The following IPCEF1 variants were observed in gnomAD, a reference collection of about 807,000 sequenced individuals.
IPCEF1 encodes interactor protein for cytohesin exchange factors 1.
IPCEF1 carries 31 observed loss-of-function variants against 50.9 expected under a neutral mutation model. That is an observed-to-expected ratio of 0.61 (90% CI 0.46 to 0.82). The LOEUF (loss-of-function observed/expected upper bound fraction) is 0.82, where lower values mean the gene tolerates loss of function less well. IPCEF1 is among the 40% of genes least tolerant of loss of function. The pLI is 0.00. For missense variants in IPCEF1, 458 were observed against 514.0 expected, an observed-to-expected ratio of 0.89 and a Z score of 1.05; for synonymous variants, 181 against 192.0, an observed-to-expected ratio of 0.94 and a Z score of 0.47.
intron 1 of IPCEF1, among the ~76,000 whole-genome samples, chr6:154,324,783 G>A (rs1012131443): frequency 3.9e-5 from 6 of 152,134 alleles, no homozygotes; most frequent in African/African-American, 1.4e-4. Flanking sequence ...ACTCCAGCCT[G>A]GGTGACAGAG....
intron 10 of IPCEF1, among the ~76,000 whole-genome samples, chr6:154,176,642 A>G (rs937595449): frequency 3.9e-5 from 6 of 152,226 alleles, no homozygotes; most frequent in African/African-American, 9.6e-5. Context: ...AAGGAGAACT[A>G]CAAACCACTG....
At chr6:154,177,440 A>G (rs1333630723) in intron 10 of IPCEF1, among the ~76,000 whole-genome samples, 2 of 152,246 alleles carry the variant, frequency 1.3e-5, no homozygotes, top group Non-Finnish European at 2.9e-5. Flanking sequence ...ACAAATTTAT[A>G]AGAAAAAAAC....
At chr6:154,315,510 G>A (rs1406542554) in intron 1 of IPCEF1, among the ~76,000 whole-genome samples, 3 of 152,144 alleles carry the variant, frequency 2.0e-5, no homozygotes, top group Non-Finnish European at 2.9e-5. Context: ...TTTGAACATA[G>A]TTATAAGGCA....
At chr6:154,328,272 G>A (rs1235656343) in intron 1 of IPCEF1, among the ~76,000 whole-genome samples, 1 of 152,152 alleles carries the variant, frequency 6.6e-6, no homozygotes, top group Non-Finnish European at 1.5e-5. Context: ...AACTAAATTA[G>A]AACAAATTCT....
chr6:154,204,080 A>G (rs982386208), intron 9 of IPCEF1, among the ~76,000 whole-genome samples: 2 of 152,216 alleles, frequency 1.3e-5, no homozygotes, highest in African/African-American at 4.8e-5. Flanking sequence ...TATTTAAATG[A>G]GGAAGTTAAA....
At chr6:154,172,007 G>T (rs1180005344) in intron 10 of IPCEF1, among the ~76,000 whole-genome samples, 1 of 152,102 alleles carries the variant, frequency 6.6e-6, no homozygotes, top group Non-Finnish European at 1.5e-5. Flanking sequence ...AAGATAAATA[G>T]AATGGTTTCT....
intron 1 of IPCEF1, among the ~76,000 whole-genome samples, chr6:154,329,227 C>T (rs1013102174): frequency 6.6e-6 from 1 of 152,076 alleles, no homozygotes; most frequent in African/African-American, 2.4e-5. Flanking sequence ...GCTTGGGCAA[C>T]ATGGCAAGAC....
intron 3 of IPCEF1, among the ~76,000 whole-genome samples, chr6:154,249,449 T>G (rs1019096739): frequency 6.6e-6 from 1 of 152,174 alleles, no homozygotes; most frequent in South Asian, 2.1e-4. Context: ...TTGGGAAATC[T>G]GGGGTCCAGG....
chr6:154,229,030 C>G (rs1048688842), intron 5 of IPCEF1, among the ~76,000 whole-genome samples: 3 of 152,210 alleles, frequency 2.0e-5, no homozygotes, highest in African/African-American at 7.2e-5. Context: ...GTGACCATTT[C>G]CAAAACTTTT....
chr6:154,239,294 A>G (rs1285517884), intron 5 of IPCEF1, among the ~76,000 whole-genome samples: 1 of 152,236 alleles, frequency 6.6e-6, no homozygotes, highest in Non-Finnish European at 1.5e-5. Flanking sequence ...TAAAGCTATG[A>G]CAGGGGAACC....
At chr6:154,193,784 A>G (rs933093946) in intron 10 of IPCEF1, among the ~76,000 whole-genome samples, 1 of 152,228 alleles carries the variant, frequency 6.6e-6, no homozygotes, top group Non-Finnish European at 1.5e-5. Context: ...CTTTGGCTCA[A>G]AGCCACATTA....
intron 3 of IPCEF1, among the ~76,000 whole-genome samples, chr6:154,264,497 C>T (rs554418219): frequency 8.5e-5 from 13 of 152,154 alleles, no homozygotes; most frequent in East Asian, 3.9e-4. Context: ...CTCAGCCTCC[C>T]GAGTAGCTGG....
intron 10 of IPCEF1, among the ~76,000 whole-genome samples, chr6:154,172,468 C>A (rs1050939644): frequency 1.3e-5 from 2 of 152,182 alleles, no homozygotes; most frequent in African/African-American, 4.8e-5. Flanking sequence ...TCTTCGCAAC[C>A]AGCAGACCAG....
intron 2 of IPCEF1, among the ~76,000 whole-genome samples, chr6:154,267,747 G>T (rs1242074134): frequency 6.6e-6 from 1 of 152,118 alleles, no homozygotes; most frequent in Non-Finnish European, 1.5e-5. Flanking sequence ...CTGCAGGCAG[G>T]TTAGCCAGAA....
rs771338639 is a variant in IPCEF1, at chr6:154,212,818, T to C, written c.489A>G (p.Ile163Met). 6.2e-7 allele frequency: 1 copy of C among 1,613,674 alleles called. No homozygotes were observed. Among genetic ancestry groups the C allele is most frequent in the Non-Finnish European group, 8.5e-7 (1 of 1,179,638 alleles). ...YSESEQEDPE[I>M]AAETPPPPHA... is the part of the protein sequence containing the mutation. ...GAGGAGGGGGTGGTGTCTCCGCAGCTATTTCTGGATCTTCCTGTTCACTTT... is the reference window on the plus strand; with the variant it reads ...GAGGAGGGGGTGGTGTCTCCGCAGCCATTTCTGGATCTTCCTGTTCACTTT... The change falls in exon 9 of 12, where the codon ATA becomes ATG. Residue 163 changes from isoleucine to methionine, a missense_variant. Coordinates refer to ENST00000367220, the MANE Select transcript of IPCEF1 (RefSeq NM_001130700.2).
intron 7 of IPCEF1, chr6:154,217,413 AC>A (rs1562547883): frequency 2.6e-5 from 4 of 151,714 alleles, no homozygotes; most frequent in Non-Finnish European, 5.9e-5. Context: ...TTCCTAAACC[AC>A]AAGAGGTGGC....
intron 1 of IPCEF1, among the ~76,000 whole-genome samples, chr6:154,322,039 C>T (rs1018687421): frequency 1.3e-5 from 2 of 152,024 alleles, no homozygotes; most frequent in African/African-American, 4.8e-5. Context: ...CCAAGCTTAA[C>T]ATTTGAAATT....
intron 5 of IPCEF1, among the ~76,000 whole-genome samples, chr6:154,233,035 C>T (rs1370960527): frequency 1.8e-4 from 26 of 148,142 alleles, no homozygotes; most frequent in Non-Finnish European, 3.1e-4. Flanking sequence ...GTGGTGCAAT[C>T]TCATCTCACT....
At chr6:154,171,571 T>C (rs1389668192) in intron 10 of IPCEF1, among the ~76,000 whole-genome samples, 1 of 152,200 alleles carries the variant, frequency 6.6e-6, no homozygotes, top group Non-Finnish European at 1.5e-5. Flanking sequence ...CAATTCCAAA[T>C]ATACTAAAAA....
Sources: gnomAD v4.1 joint callset for allele counts (sites outside exome capture counted in the v4.1 genomes callset) on GRCh38, gnomAD v4.1.1 for gene constraint, MANE v1.5 for transcripts, NCBI Gene and HGNC (gene_info 2026-07-23, HGNC 2026-07-21) for gene names.